The following MAGI2 variants were observed in gnomAD, a reference collection of about 807,000 sequenced individuals.
MAGI2 encodes membrane-associated guanylate kinase, WW and PDZ domain-containing protein 2.
MAGI2 carries 35 observed loss-of-function variants against 133.3 expected under a neutral mutation model. The observed-to-expected ratio is 0.26, with a 90% CI of 0.20 to 0.35. The LOEUF is 0.35. Among genes scored for constraint, MAGI2 ranks in the 10% least tolerant of loss-of-function variants. The pLI, the probability that MAGI2 is intolerant of heterozygous loss-of-function variation, is 1.00. For missense variants in MAGI2, 1,636 were observed against 1,863.4 expected (o/e 0.88, Z 2.25); for synonymous variants, 729 against 710.6 (o/e 1.03, Z -0.41).
chr7:78,178,136 C>A, intron 13 of MAGI2, 34 bp from the exon 14 acceptor site: 1 of 1,362,658 alleles, frequency 7.3e-7, no homozygotes. Flanking sequence ...AGTAATGAAT[C>A]CTGCCTCTTT....
intron 6 of MAGI2, among the ~76,000 whole-genome samples, chr7:78,381,485 C>T (rs1041682881): frequency 4.6e-5 from 7 of 152,114 alleles, no homozygotes; most frequent in African/African-American, 1.7e-4. Context: ...AGAATATCTT[C>T]TATAGCTCAA....
intron 2 of MAGI2, among the ~76,000 whole-genome samples, chr7:78,734,554 G>A (rs1036560278): frequency 3.9e-5 from 6 of 152,150 alleles, no homozygotes; most frequent in Admixed American, 2.6e-4. Context: ...AGTACTTCCT[G>A]TAAGAGCAAA....
chr7:78,321,714 G>A (rs1788022041), intron 9 of MAGI2, among the ~76,000 whole-genome samples: 1 of 152,188 alleles, frequency 6.6e-6, no homozygotes, highest in African/African-American at 2.4e-5. Flanking sequence ...GCATGGGCAA[G>A]GACTTCATGA....
intron 2 of MAGI2, among the ~76,000 whole-genome samples, chr7:78,853,543 A>G (rs1270748182): frequency 1.3e-5 from 2 of 150,996 alleles, no homozygotes; most frequent in African/African-American, 4.9e-5. Context: ...GTTTGTAGAG[A>G]CAGGGTCTCA....
At chr7:78,783,054 C>G (rs1163187544) in intron 2 of MAGI2, among the ~76,000 whole-genome samples, 7 of 110,802 alleles carry the variant, frequency 6.3e-5, no homozygotes, top group Non-Finnish European at 5.3e-5. Context: ...GTATTATCTT[C>G]CAACTAGTCT....
intron 1 of MAGI2, among the ~76,000 whole-genome samples, chr7:79,155,831 T>C (rs1198445116): frequency 3.5e-4 from 53 of 152,174 alleles, no homozygotes; most frequent in Non-Finnish European, 7.3e-5. Flanking sequence ...CAGTGGGCCT[T>C]GTTGAAGACT....
intron 1 of MAGI2, among the ~76,000 whole-genome samples, chr7:79,132,193 A>G (rs1240416288): frequency 2.0e-5 from 3 of 152,150 alleles, no homozygotes; most frequent in Non-Finnish European, 4.4e-5. Context: ...ATTTTATCAT[A>G]CATGGGTGAA....
chr7:78,175,250 C>T (rs1826479681), intron 14 of MAGI2, among the ~76,000 whole-genome samples: 3 of 152,148 alleles, frequency 2.0e-5, no homozygotes, highest in Admixed American at 1.3e-4. Context: ...AACACAACAT[C>T]TTGAGATAAA....
At chr7:78,215,034 T>C (rs143649282) in intron 10 of MAGI2, among the ~76,000 whole-genome samples, 1 of 152,286 alleles carries the variant, frequency 6.6e-6, no homozygotes, top group East Asian at 1.9e-4. Flanking sequence ...TGAGTCAATG[T>C]TTTACATCAC....
chr7:79,385,105 T>C (rs1453706194), intron 1 of MAGI2, among the ~76,000 whole-genome samples: 1 of 151,844 alleles, frequency 6.6e-6, no homozygotes, highest in African/African-American at 2.4e-5. Context: ...AAGGATCTTT[T>C]AAAAGATCTG....
intron 7 of MAGI2, chr7:78,358,276 G>T (rs1212024011): frequency 4.8e-4 from 69 of 142,408 alleles, no homozygotes; most frequent in African/African-American, 1.6e-3. Flanking sequence ...TTGCCCCCAG[G>T]TGGCTGCTGA....
chr7:78,308,330 G>C (rs1798409255), intron 9 of MAGI2, among the ~76,000 whole-genome samples: 1 of 152,172 alleles, frequency 6.6e-6, no homozygotes, highest in Non-Finnish European at 1.5e-5. Flanking sequence ...CAGACACTAG[G>C]AAGAGAGACC....
At chr7:78,435,906 A>G (rs1800238797) in intron 6 of MAGI2, among the ~76,000 whole-genome samples, 1 of 152,222 alleles carries the variant, frequency 6.6e-6, no homozygotes, top group Admixed American at 6.5e-5. Flanking sequence ...TACTACAGAC[A>G]GATGAAAATG....
At chr7:78,253,830 C>A (rs903908145) in intron 10 of MAGI2, 2 of 152,080 alleles carry the variant, frequency 1.3e-5, no homozygotes, top group African/African-American at 2.4e-5. Flanking sequence ...GATATAAGGA[C>A]CCAGGCCTGC....
At chr7:78,617,385 A>G (rs1424348068) in intron 3 of MAGI2, 2 of 152,154 alleles carry the variant, frequency 1.3e-5, no homozygotes, top group African/African-American at 4.8e-5. Context: ...CCTTTCATGG[A>G]ATCAGTTCTC....
chr7:79,205,694 A>G lies in MAGI2; in HGVS notation c.302-198488T>C, dbSNP rs1170443575. 1.3e-5 allele frequency among the ~76,000 whole-genome samples: 2 copies of G among 151,920 alleles called. 1 individual carries two copies. The highest frequency in any genetic ancestry group is 4.8e-5 in the African/African-American group (2 of 41,306). On this transcript the variant is annotated intron_variant, in intron 1 of 21. Transcript: ENST00000354212. ...ATTAAAGGATAGACAGGATAAAAAG[A>G]TATAAACTGTGGCTTTAAAAATTCA...
chr7:79,242,956 T>C (rs1585304876), intron 1 of MAGI2, among the ~76,000 whole-genome samples: 2 of 152,058 alleles, frequency 1.3e-5, no homozygotes, highest in Admixed American at 6.6e-5. Context: ...GTGGCTCACA[T>C]CTGTAATCCC....
chr7:78,148,116 C>T (rs1181666694), intron 16 of MAGI2, among the ~76,000 whole-genome samples: 1 of 152,118 alleles, frequency 6.6e-6, no homozygotes, highest in African/African-American at 2.4e-5. Flanking sequence ...TATTTGTAAT[C>T]ACCAGAAACA....
intron 1 of MAGI2, among the ~76,000 whole-genome samples, chr7:79,093,714 C>CTTTTTTTTT (rs369075503): frequency 8.8e-6 from 1 of 113,288 alleles, no homozygotes; most frequent in Non-Finnish European, 1.8e-5. Context: ...CTTTTCTTTT[C>CTTTTTTTTT]TTTTTTTTTT....
Sources: gnomAD v4.1 joint callset for allele counts (sites outside exome capture counted in the v4.1 genomes callset) on GRCh38, gnomAD v4.1.1 for gene constraint, MANE v1.5 for transcripts, NCBI Gene and HGNC (gene_info 2026-07-23, HGNC 2026-07-21) for gene names.